The following GDPD4 variants were observed in gnomAD, a reference collection of about 807,000 sequenced individuals.
The protein encoded by GDPD4 is glycerophosphodiester phosphodiesterase domain containing 4.
A neutral mutation model predicts 67.8 loss-of-function variants in GDPD4; 60 were observed. The ratio of observed to expected loss-of-function variants is 0.88; its 90% CI spans 0.72 to 1.10. The LOEUF (loss-of-function observed/expected upper bound fraction) is 1.10, where lower values mean the gene tolerates loss of function less well. Among genes scored for constraint, GDPD4 ranks in the 50% least tolerant of loss-of-function variants. GDPD4 has a pLI of 0.00. For synonymous variants in GDPD4, 212 were observed against 210.9 expected, an observed-to-expected ratio of 1.00 and a Z score of -0.04; for missense variants, 623 against 613.9, an observed-to-expected ratio of 1.01 and a Z score of -0.16.
intron 13 of GDPD4, among the ~76,000 whole-genome samples, chr11:77,235,021 T>TTTTG (rs1958529674): frequency 1.5e-5 from 2 of 130,744 alleles, no homozygotes; most frequent in African/African-American, 5.5e-5. Flanking sequence ...TTTTTTTTTT[T>TTTTG]TTTTTTTTTT....
intron 13 of GDPD4, among the ~76,000 whole-genome samples, chr11:77,235,016 T>TG (rs1565512468): frequency 1.7e-5 from 2 of 119,178 alleles, no homozygotes; most frequent in African/African-American, 3.5e-5. Context: ...TCTGTTTTTT[T>TG]TTTTTTTTTT....
chr11:77,240,373 AACAT>A (rs1958639076), intron 13 of GDPD4, among the ~76,000 whole-genome samples: 1 of 152,244 alleles, frequency 6.6e-6, no homozygotes, highest in Admixed American at 6.5e-5. Context: ...AGATGCCAAG[AACAT>A]ACAATGAGGA....
intron 14 of GDPD4, among the ~76,000 whole-genome samples, chr11:77,231,984 CTG>C (rs1243893153): frequency 2.0e-5 from 3 of 152,192 alleles, no homozygotes; most frequent in Non-Finnish European, 2.9e-5. Flanking sequence ...CCCTGTAAGA[CTG>C]TGCCTTGACT....
In GDPD4 at chr11:77,217,214, A is replaced by AGAGT; in HGVS notation, c.*59_*62dup. The stretch of plus-strand genomic sequence containing the variant: ...GGGTAGAGCCGGGTAGAGGGCTGCT[A>AGAGT]GAGTCCAAGGACCTTCCACAACTCG... On this transcript the variant is annotated 3_prime_UTR_variant, in exon 17 of 17. Transcript: ENST00000315938. The AGAGT allele has an allele frequency of 8.1e-7, 1 of 1,229,510 alleles. No homozygotes were observed. Among genetic ancestry groups the AGAGT allele is most frequent in the Non-Finnish European group, 1.2e-6 (1 of 828,728 alleles). The allele number at this position is 1,229,510 out of a possible 1,614,324, so 76.2% of individuals were successfully genotyped here. A position where few individuals can be genotyped will look rare whatever the true frequency, so the allele number is the denominator to read the frequency against.
intron 5 of GDPD4, among the ~76,000 whole-genome samples, chr11:77,273,087 A>G (rs1959293709): frequency 6.6e-6 from 1 of 152,118 alleles, no homozygotes; most frequent in Non-Finnish European, 1.5e-5. Flanking sequence ...CCTGCTAGAA[A>G]TTTTTGCAGA....
chr11:77,217,559 G>C (rs528729221), intron 16 of GDPD4, among the ~76,000 whole-genome samples: 1 of 152,326 alleles, frequency 6.6e-6, no homozygotes, highest in East Asian at 1.9e-4. Context: ...GAAGTCCTCA[G>C]AAAGCAGAGA....
At chr11:77,248,200 CT>C (rs1373291469) in intron 11 of GDPD4, among the ~76,000 whole-genome samples, 1 of 149,992 alleles carries the variant, frequency 6.7e-6, no homozygotes, top group African/African-American at 2.4e-5. Context: ...ATACAATTTT[CT>C]TTTCTTTTTT....
chr11:77,245,884 C>A (rs1423020585), intron 11 of GDPD4, among the ~76,000 whole-genome samples: 1 of 152,204 alleles, frequency 6.6e-6, no homozygotes, highest in African/African-American at 2.4e-5. Context: ...TTGGCTTCAA[C>A]TGAATTTAAT....
At chr11:77,226,306 T>G (rs1399392386) in intron 16 of GDPD4, among the ~76,000 whole-genome samples, 3 of 152,140 alleles carry the variant, frequency 2.0e-5, no homozygotes, top group African/African-American at 7.2e-5. Flanking sequence ...GTCCTAACCC[T>G]CAGTGTGACT....
In GDPD4 at chr11:77,271,301, T is replaced by G. The variant is rs1036420338; in HGVS notation, c.300A>C (p.Ser100=). 5 of 1,612,900 alleles carry G rather than the reference T, an allele frequency of 3.1e-6. No individual in the cohort carries two copies. The highest frequency in any genetic ancestry group is 1.7e-4 in the Middle Eastern group (1 of 6,060). Residue 100 remains serine, a synonymous_variant, in exon 6 of 17, where the codon TCA becomes TCC. Coordinates refer to ENST00000315938, the MANE Select transcript of GDPD4 (RefSeq NM_182833.3). Reference sequence around the variant, plus strand: ...GCTATAGGATGATGCTTACCTGCATTGACAGCCCAGCTACCAGCCACCTTT... The same window carrying G: ...GCTATAGGATGATGCTTACCTGCATGGACAGCCCAGCTACCAGCCACCTTT... ...WKERWLVAGL[S]MQIFAPYVHL...
rs1938134417 is a variant in GDPD4, at chr11:77,300,793, CAG to C, written c.-254+810_-254+811del. ...ATTGCACATTTGGGAATTAAACACA[CAG>C]AAACCTACGCATGGTCAAAGAAAAA... On this transcript the variant is annotated intron_variant, in intron 1 of 16. Transcript: ENST00000315938. Among the ~76,000 whole-genome samples the C allele has an allele frequency of 2.6e-5, 4 of 152,266 alleles. No homozygotes were observed. The South Asian group carries it at 6.2e-4, about 24-fold the overall frequency.
intron 13 of GDPD4, among the ~76,000 whole-genome samples, chr11:77,241,090 G>A (rs1352655642): frequency 1.3e-5 from 2 of 152,158 alleles, no homozygotes; most frequent in African/African-American, 4.8e-5. Flanking sequence ...TATATCCAAA[G>A]GAAGTGAAAT....
Position 77,269,883 on chromosome 11 carries a change from C to T in GDPD4, c.478G>A (p.Gly160Ser). 2 of 1,552,316 alleles carry T rather than the reference C, an allele frequency of 1.3e-6. No individual in the cohort carries two copies. Among genetic ancestry groups the T allele is most frequent in the Non-Finnish European group, 1.8e-6 (2 of 1,127,246 alleles). ...KQCNVITRLR[G>S]LQVPVGLPFL... ...TCAAATCTCAGTCTCCAGCTCTAAC[C>T]TCTTAACCTTGTGATTACATTACAT... Residue 160 changes from glycine to serine, a missense_variant and splice_region_variant, in exon 8 of 17, where the codon GGT becomes AGT. Physicochemically the swap from Gly to Ser is moderately conservative, Grantham distance 56 (BLOSUM62 0). Transcript: ENST00000315938.
intron 16 of GDPD4, among the ~76,000 whole-genome samples, chr11:77,225,009 CAGG>C (rs1381509335): frequency 6.6e-6 from 1 of 151,034 alleles, no homozygotes; most frequent in Non-Finnish European, 1.5e-5. Flanking sequence ...GAGGCTAAGG[CAGG>C]AGGATTGTTT....
At chr11:77,261,092 T>G (rs1000389751) in intron 10 of GDPD4, among the ~76,000 whole-genome samples, 2 of 152,222 alleles carry the variant, frequency 1.3e-5, no homozygotes, top group Admixed American at 6.5e-5. Context: ...TCAAATTCTC[T>G]TTCCATTTTT....
At chr11:77,222,962 C>CATTA (rs1325841909) in intron 16 of GDPD4, among the ~76,000 whole-genome samples, 1 of 152,192 alleles carries the variant, frequency 6.6e-6, no homozygotes, top group African/African-American at 2.4e-5. Flanking sequence ...CACTTCATTT[C>CATTA]ATTAATTTGA....
At chr11:77,290,937 C>T (rs1937750962) in intron 1 of GDPD4, among the ~76,000 whole-genome samples, 1 of 152,156 alleles carries the variant, frequency 6.6e-6, no homozygotes, top group South Asian at 2.1e-4. Context: ...TAAATTAGTA[C>T]AGCCCATAAA....
At chr11:77,275,789 T>C (rs994490556) in intron 5 of GDPD4, among the ~76,000 whole-genome samples, 25 of 152,160 alleles carry the variant, frequency 1.6e-4, no homozygotes, top group Admixed American at 1.6e-3. Flanking sequence ...GTTATTACAG[T>C]GAACTGAAAT....
chr11:77,296,535 C>T (rs1362266554), intron 1 of GDPD4, among the ~76,000 whole-genome samples: 1 of 150,468 alleles, frequency 6.6e-6, no homozygotes, highest in Non-Finnish European at 1.5e-5. Context: ...TTAGCCAGGC[C>T]GGTCTTGAAC....
Sources: allele counts gnomAD v4.1 joint callset (sites outside exome capture counted in the v4.1 genomes callset), GRCh38; gene constraint gnomAD v4.1.1; transcripts MANE v1.5; gene names NCBI Gene and HGNC (gene_info 2026-07-23, HGNC 2026-07-21).